Variants in DLC1 observed in about 807,000 individuals in gnomAD.
DLC1 encodes DLC1 Rho GTPase activating protein, also known as rho GTPase-activating protein 7.
Under a neutral mutation model 140.3 loss-of-function variants are expected in DLC1, and 54 were observed. The ratio of observed to expected loss-of-function variants is 0.38; its 90% confidence interval spans 0.31 to 0.48. DLC1 has a LOEUF of 0.48. DLC1 is among the 20% of genes least tolerant of loss of function. DLC1 has a pLI of 0.96. For missense variants in DLC1, 2,536 were observed against 1,907.0 expected (o/e 1.33, Z -6.14); for synonymous variants, 986 against 728.1 (o/e 1.35, Z -5.70).
chr8:13,362,897 G>A (rs1835301344), intron 4 of DLC1, among the ~76,000 whole-genome samples: 1 of 151,974 alleles, frequency 6.6e-6, no homozygotes, highest in African/African-American at 2.4e-5. Context: ...AAGTGTTCCA[G>A]CATCCTAGAG....
chr8:13,490,908 A>AT (rs1157262719), intron 2 of DLC1, among the ~76,000 whole-genome samples: 23 of 150,652 alleles, frequency 1.5e-4, no homozygotes, highest in South Asian at 4.2e-4. Flanking sequence ...ATCGTAACTA[A>AT]TTTTTTTTCC....
chr8:13,500,049 C>T lies in DLC1; in HGVS notation c.23G>A (p.Arg8Lys). 1 of 1,613,914 alleles carries T rather than the reference C, an allele frequency of 6.2e-7. No individual in the cohort carries two copies. The highest frequency in any genetic ancestry group is 1.3e-5 in the African/African-American group (1 of 75,048). MSVAIRKRSWEEHVTHWM... is the reference protein window; with the variant it reads MSVAIRKKSWEEHVTHWM... ...GTGGGTCACATGTTCTTCCCAGCTT[C>T]TCTTTCTGATAGCTACAGACATGTC... The change falls in exon 2 of 18, where the codon AGA (arginine) becomes AAA (lysine). Residue 8 changes from arginine (R) to lysine (K), a missense_variant. By Grantham distance (26) the Arg-to-Lys change is conservative (BLOSUM62 2). Transcript: ENST00000276297.
intron 2 of DLC1, among the ~76,000 whole-genome samples, chr8:13,478,496 C>T (rs1800541228): frequency 6.6e-6 from 1 of 152,178 alleles, no homozygotes. Context: ...GGGATGAACT[C>T]TTAGCTAAAG....
chr8:13,587,290 A>G (rs918594858), intron 1 of DLC1, among the ~76,000 whole-genome samples: 1 of 119,862 alleles, frequency 8.3e-6, no homozygotes, highest in Non-Finnish European at 1.7e-5. Context: ...CATAGCCAAG[A>G]AAAAAAAAAG....
chr8:13,396,062 CTT>C (rs33927089), intron 3 of DLC1, among the ~76,000 whole-genome samples: 25 of 135,472 alleles, frequency 1.8e-4, no homozygotes, highest in Admixed American at 3.7e-4. Flanking sequence ...TCTTTTCTTT[CTT>C]TTTTTTTTTT....
chr8:13,262,245 T>TA (rs888103005), intron 5 of DLC1, among the ~76,000 whole-genome samples: 1 of 151,748 alleles, frequency 6.6e-6, no homozygotes, highest in African/African-American at 2.4e-5. Context: ...TTAGGAGACT[T>TA]AAAAAAAAGA....
intron 2 of DLC1, among the ~76,000 whole-genome samples, chr8:13,479,160 C>T (rs1800569803): frequency 6.6e-6 from 1 of 152,172 alleles, no homozygotes; most frequent in South Asian, 2.1e-4. Flanking sequence ...TGTATCCCTT[C>T]CATCTGGAAG....
intron 7 of DLC1, among the ~76,000 whole-genome samples, chr8:13,109,573 T>C (rs796405151): frequency 1.5e-5 from 2 of 129,756 alleles, no homozygotes; most frequent in Admixed American, 8.0e-5. Context: ...TAAAAAAAAA[T>C]AAAATAAAAA....
chr8:13,202,766 C>A (rs140908178), intron 5 of DLC1, among the ~76,000 whole-genome samples: 211 of 152,054 alleles, frequency 1.4e-3, no homozygotes, highest in African/African-American at 4.8e-3. Flanking sequence ...CTTGACTTCC[C>A]AGCCCCAGGT....
intron 5 of DLC1, among the ~76,000 whole-genome samples, chr8:13,200,275 G>GC (rs1357374219): frequency 1.3e-5 from 2 of 151,822 alleles, no homozygotes; most frequent in Non-Finnish European, 2.9e-5. Context: ...TGTTGGCCAG[G>GC]CTTGTCTCGA....
chr8:13,161,516 T>G (rs1277939775), intron 5 of DLC1, among the ~76,000 whole-genome samples: 1 of 152,118 alleles, frequency 6.6e-6, no homozygotes, highest in African/African-American at 2.4e-5. Flanking sequence ...AATTTTTTAC[T>G]TTTTGGTTGA....
At chr8:13,131,299 C>G (rs2128962945) in intron 5 of DLC1, among the ~76,000 whole-genome samples, 1 of 152,202 alleles carries the variant, frequency 6.6e-6, no homozygotes, top group Non-Finnish European at 1.5e-5. Context: ...CTGCAGTCTG[C>G]TGGACTATTA....
At chr8:13,410,840 A>G (rs148831127) in intron 2 of DLC1, among the ~76,000 whole-genome samples, 1 of 152,340 alleles carries the variant, frequency 6.6e-6, no homozygotes, top group East Asian at 1.9e-4. Context: ...GATGCAAACC[A>G]AGAATCTGCA....
chr8:13,131,000 A>G (rs1210435061), intron 5 of DLC1, among the ~76,000 whole-genome samples: 1 of 152,248 alleles, frequency 6.6e-6, no homozygotes, highest in Non-Finnish European at 1.5e-5. Flanking sequence ...ATGTGAATAC[A>G]TGCAATCGCC....
intron 5 of DLC1, among the ~76,000 whole-genome samples, chr8:13,156,148 G>T (rs1205801472): frequency 1.3e-5 from 2 of 152,074 alleles, no homozygotes; most frequent in Non-Finnish European, 2.9e-5. Context: ...CTTTAAAATA[G>T]ATTATTATTC....
intron 5 of DLC1, among the ~76,000 whole-genome samples, chr8:13,198,498 T>C (rs1039469281): frequency 3.3e-5 from 5 of 152,316 alleles, no homozygotes; most frequent in African/African-American, 1.2e-4. Flanking sequence ...CTGGTATACT[T>C]TTCTATACAA....
intron 15 of DLC1, among the ~76,000 whole-genome samples, chr8:13,089,862 G>A (rs1817895804): frequency 6.6e-6 from 1 of 152,156 alleles, no homozygotes; most frequent in African/African-American, 2.4e-5. Context: ...TCATTAAAGG[G>A]CCAAGAGAAC....
intron 5 of DLC1, among the ~76,000 whole-genome samples, chr8:13,148,297 C>G (rs1488846556): frequency 6.6e-6 from 1 of 152,158 alleles, no homozygotes; most frequent in Non-Finnish European, 1.5e-5. Flanking sequence ...CCTCCACCCT[C>G]AAGTAGACCT....
chr8:13,544,019 A>T (rs1396469235), intron 1 of DLC1, among the ~76,000 whole-genome samples: 1 of 152,154 alleles, frequency 6.6e-6, no homozygotes, highest in Non-Finnish European at 1.5e-5. Flanking sequence ...AAATTTAAAA[A>T]AATAAAAATG....
Sources: allele counts gnomAD v4.1 joint callset (sites outside exome capture counted in the v4.1 genomes callset), GRCh38; gene constraint gnomAD v4.1.1; transcripts MANE v1.5; gene names NCBI Gene and HGNC (gene_info 2026-07-23, HGNC 2026-07-21).